DMD: variants seen among roughly 807,000 people sequenced by gnomAD.
DMD encodes mutant dystrophin.
In DMD, 63 loss-of-function variants were observed where a neutral mutation model predicts 330.1. The observed-to-expected ratio is 0.19, with a 90% CI of 0.16 to 0.24. DMD has a LOEUF of 0.24. DMD is among the 10% of genes least tolerant of loss of function. The pLI is 1.00. For missense variants in DMD, 3,344 were observed against 2,684.1 expected (o/e 1.25, Z -5.43); for synonymous variants, 1,223 against 959.8 (o/e 1.27, Z -5.07).
chrX:32,329,009 C>A (rs1476188263), intron 41 of DMD, among the ~76,000 whole-genome samples: 4 of 111,376 alleles, frequency 3.6e-5, no homozygotes, highest in African/African-American at 1.3e-4. Flanking sequence ...GGGATTTCCA[C>A]AGGAAGATGT....
chrX:31,988,173 A>G (rs756623085), intron 44 of DMD, among the ~76,000 whole-genome samples: 4 of 110,848 alleles, frequency 3.6e-5, no homozygotes, highest in Non-Finnish European at 5.7e-5. Context: ...AGTGACTCAC[A>G]AGAAAAAGTG....
intron 53 of DMD, among the ~76,000 whole-genome samples, chrX:31,661,955 TTTAA>T (rs952877362): frequency 1.2e-4 from 13 of 111,883 alleles, no homozygotes; most frequent in African/African-American, 3.3e-4. Context: ...TTTTTTCTAC[TTTAA>T]TTGTTTGTCT....
At chrX:32,704,840 A>G (rs1388900305) in intron 7 of DMD, among the ~76,000 whole-genome samples, 1 of 112,415 alleles carries the variant, frequency 8.9e-6, no homozygotes, top group African/African-American at 3.2e-5. Context: ...TGTTGGCACA[A>G]CCAAAACCTA....
chrX:32,099,258 C>T (rs1231049094), intron 44 of DMD, among the ~76,000 whole-genome samples: 1 of 111,155 alleles, frequency 9.0e-6, no homozygotes, highest in Non-Finnish European at 1.9e-5. Context: ...TGATGGTGAG[C>T]ATTTTTTCAT....
intron 2 of DMD, among the ~76,000 whole-genome samples, chrX:32,902,880 G>C (rs1437795692): frequency 9.1e-6 from 1 of 110,021 alleles, no homozygotes; most frequent in Non-Finnish European, 1.9e-5. Flanking sequence ...AATTTGGCCA[G>C]GTGCGGTGGT....
intron 1 of DMD, among the ~76,000 whole-genome samples, chrX:33,098,835 C>A (rs2095205461): frequency 9.0e-6 from 1 of 111,461 alleles, no homozygotes; most frequent in African/African-American, 3.3e-5. Context: ...TGGAACAGGA[C>A]CACACATTCT....
intron 43 of DMD, among the ~76,000 whole-genome samples, chrX:32,253,143 G>C (rs1453813430): frequency 9.4e-6 from 1 of 106,682 alleles, no homozygotes; most frequent in African/African-American, 3.4e-5. Context: ...AGGTCTTTAA[G>C]AACCTCATAG....
At chrX:31,220,894 C>T (rs1435433545) in intron 64 of DMD, among the ~76,000 whole-genome samples, 8 of 50,659 alleles carry the variant, frequency 1.6e-4, no homozygotes, top group East Asian at 6.9e-4. Context: ...TTTTTTTTTG[C>T]GATTTTTTTT....
chrX:33,007,727 TAGAG>T (rs1437045014), intron 2 of DMD, among the ~76,000 whole-genome samples: 3 of 111,564 alleles, frequency 2.7e-5, no homozygotes, highest in South Asian at 3.7e-4. Flanking sequence ...ATGAAATAGA[TAGAG>T]AATGTAGACT....
chrX:32,480,818 G>A (rs768899436), intron 21 of DMD, among the ~76,000 whole-genome samples: 6 of 110,525 alleles, frequency 5.4e-5, no homozygotes, highest in Admixed American at 2.9e-4. Context: ...TGCTATGCTT[G>A]CTCTTGATGG....
chrX:32,289,950 C>T (rs962498903), intron 42 of DMD, among the ~76,000 whole-genome samples: 7 of 111,744 alleles, frequency 6.3e-5, no homozygotes, highest in Middle Eastern at 4.6e-3. Context: ...TCTTAATAAA[C>T]TTGCTTTTAC....
At chrX:33,192,124 T>C (rs2050683410) in intron 1 of DMD, among the ~76,000 whole-genome samples, 1 of 112,201 alleles carries the variant, frequency 8.9e-6, no homozygotes, top group East Asian at 2.8e-4. Flanking sequence ...AGGCTTTTTT[T>C]CTTGTTCATC....
At chrX:31,688,353 A>G (rs1210680390) in intron 52 of DMD, among the ~76,000 whole-genome samples, 1 of 111,444 alleles carries the variant, frequency 9.0e-6, no homozygotes, top group Non-Finnish European at 1.9e-5. Flanking sequence ...CTACGCAAAT[A>G]AACTAGAAAA....
intron 19 of DMD, among the ~76,000 whole-genome samples, chrX:32,496,518 A>G (rs1215362255): frequency 8.9e-6 from 1 of 112,240 alleles, no homozygotes; most frequent in Non-Finnish European, 1.9e-5. Context: ...TTTTACTAAT[A>G]TAGCCCTTTT....
chrX:32,778,088 G>T (rs1407113086), intron 7 of DMD, among the ~76,000 whole-genome samples: 2 of 111,547 alleles, frequency 1.8e-5, no homozygotes, highest in African/African-American at 6.5e-5. Flanking sequence ...AGTTGATGCT[G>T]TTAATTAAAA....
intron 55 of DMD, among the ~76,000 whole-genome samples, chrX:31,548,857 T>C (rs931664911): frequency 9.0e-6 from 1 of 111,166 alleles, no homozygotes; most frequent in African/African-American, 3.3e-5. Flanking sequence ...TTATGTAAAC[T>C]CATTGTTTAA....
intron 44 of DMD, among the ~76,000 whole-genome samples, chrX:31,978,714 C>T (rs187719423): frequency 9.0e-6 from 1 of 111,591 alleles, no homozygotes; most frequent in East Asian, 2.9e-4. Context: ...TTCTCCAGAC[C>T]TTTGACTATT....
chrX:31,944,500 A>G (rs1286784240), intron 45 of DMD, among the ~76,000 whole-genome samples: 1 of 101,320 alleles, frequency 9.9e-6, no homozygotes, highest in East Asian at 3.0e-4. Flanking sequence ...TTTTTTTGAG[A>G]CGGAGTCTCA....
At chrX:32,402,919 C>T (rs193269164) in intron 30 of DMD, among the ~76,000 whole-genome samples, 54 of 111,389 alleles carry the variant, frequency 4.8e-4, no homozygotes, top group Middle Eastern at 4.6e-3. Context: ...GCAAGGACCA[C>T]GTTAGGCTTA....
Sources: allele counts gnomAD v4.1 joint callset (sites outside exome capture counted in the v4.1 genomes callset), GRCh38; gene constraint gnomAD v4.1.1; transcripts MANE v1.5; gene names NCBI Gene and HGNC (gene_info 2026-07-23, HGNC 2026-07-21).